The following ARB2A variants were observed in gnomAD, a reference collection of about 807,000 sequenced individuals.
ARB2A encodes ARB2 cotranscriptional regulator A.
the ARB2A span, among the ~76,000 whole-genome samples, chr5:93,718,002 G>A: frequency 6.6e-6 from 1 of 151,532 alleles, no homozygotes; most frequent in African/African-American, 2.4e-5. Flanking sequence ...GCCCGGCTAA[G>A]TTTTGTATTT....
At chr5:93,658,104 G>A in the ARB2A span, among the ~76,000 whole-genome samples, 1 of 152,024 alleles carries the variant, frequency 6.6e-6, no homozygotes, top group Admixed American at 6.6e-5. Context: ...AATGTTTCTA[G>A]CAGAATAATA....
the ARB2A span, among the ~76,000 whole-genome samples, chr5:94,059,813 A>G: frequency 6.6e-6 from 1 of 152,016 alleles, no homozygotes; most frequent in South Asian, 2.1e-4. Context: ...TAGAAGAAAT[A>G]AAGATTTTTT....
the ARB2A span, among the ~76,000 whole-genome samples, chr5:93,984,252 T>G: frequency 4.6e-5 from 7 of 152,250 alleles, no homozygotes; most frequent in South Asian, 1.4e-3. Context: ...ACCATATATA[T>G]AAGTGTGAAA....
chr5:93,722,270 T>A, the ARB2A span, among the ~76,000 whole-genome samples: 1 of 152,160 alleles, frequency 6.6e-6, no homozygotes, highest in Non-Finnish European at 1.5e-5. Context: ...GTGTGTTCAG[T>A]GACCTAGATA....
the ARB2A span, among the ~76,000 whole-genome samples, chr5:93,711,209 T>G: frequency 3.3e-5 from 5 of 151,390 alleles, no homozygotes; most frequent in Non-Finnish European, 7.4e-5. Context: ...TTTTTTGTTT[T>G]TTTTTTTTTG....
At chr5:94,074,764 G>C in the ARB2A span, 1 of 1,594,074 alleles carries the variant, frequency 6.3e-7, no homozygotes, top group African/African-American at 1.3e-5. Context: ...ATCTTCAGAA[G>C]ACAGTCTAGA....
the ARB2A span, among the ~76,000 whole-genome samples, chr5:93,675,411 T>A: frequency 9.2e-5 from 14 of 152,204 alleles, no homozygotes; most frequent in Admixed American, 5.2e-4. Flanking sequence ...ATGTATCTAC[T>A]AAGCTCACAG....
At chr5:93,932,630 C>T in the ARB2A span, among the ~76,000 whole-genome samples, 2 of 152,092 alleles carry the variant, frequency 1.3e-5, no homozygotes, top group Non-Finnish European at 1.5e-5. Context: ...ACAAGCAAAT[C>T]GTGTTTTCCA....
chr5:93,777,584 A>AT, the ARB2A span, among the ~76,000 whole-genome samples: 35 of 148,314 alleles, frequency 2.4e-4, no homozygotes, highest in South Asian at 4.3e-4. Flanking sequence ...TTCCAGACAG[A>AT]TTTTTTTTTT....
At chr5:93,883,708 C>T in the ARB2A span, among the ~76,000 whole-genome samples, 1 of 151,490 alleles carries the variant, frequency 6.6e-6, no homozygotes, top group Admixed American at 6.6e-5. Context: ...AGTTAAAGAA[C>T]ACTGTTGCAC....
chr5:93,748,394 A>G, the ARB2A span, among the ~76,000 whole-genome samples: 1 of 152,162 alleles, frequency 6.6e-6, no homozygotes, highest in African/African-American at 2.4e-5. Flanking sequence ...GTACTGCTGT[A>G]TAATATCTCA....
At chr5:93,811,016 C>T in the ARB2A span, among the ~76,000 whole-genome samples, 5 of 152,058 alleles carry the variant, frequency 3.3e-5, no homozygotes, top group African/African-American at 7.2e-5. Flanking sequence ...CTTAAAACAA[C>T]GCCTGGTACT....
At chr5:93,718,387 C>T in the ARB2A span, among the ~76,000 whole-genome samples, 2 of 151,780 alleles carry the variant, frequency 1.3e-5, no homozygotes, top group Admixed American at 6.6e-5. Flanking sequence ...TGCAGTGAGC[C>T]GAGATTGTGC....
the ARB2A span, among the ~76,000 whole-genome samples, chr5:94,090,837 T>G: frequency 6.6e-6 from 1 of 152,184 alleles, no homozygotes; most frequent in Non-Finnish European, 1.5e-5. Context: ...TATTGATTTG[T>G]GTATGTTGAA....
chr5:93,942,382 T>C, the ARB2A span, among the ~76,000 whole-genome samples: 5 of 152,262 alleles, frequency 3.3e-5, no homozygotes, highest in South Asian at 1.0e-3. Context: ...TCTCTCAAAG[T>C]TTACTTTTAA....
the ARB2A span, among the ~76,000 whole-genome samples, chr5:93,723,239 A>G: frequency 6.6e-6 from 1 of 152,166 alleles, no homozygotes; most frequent in Non-Finnish European, 1.5e-5. Flanking sequence ...GCTGGGGGAT[A>G]GGATGCCCTA....
chr5:93,968,661 T>C, the ARB2A span, among the ~76,000 whole-genome samples: 1 of 152,020 alleles, frequency 6.6e-6, no homozygotes, highest in Non-Finnish European at 1.5e-5. Flanking sequence ...GCAATGATGG[T>C]TGAGAATATT....
the ARB2A span, chr5:93,618,072 T>C: frequency 6.6e-6 from 1 of 152,150 alleles, no homozygotes; most frequent in South Asian, 2.1e-4. Flanking sequence ...ACCGCTGTTG[T>C]TGGGAAAATT....
At chr5:93,937,162 C>A in the ARB2A span, among the ~76,000 whole-genome samples, 2 of 151,322 alleles carry the variant, frequency 1.3e-5, no homozygotes, top group Admixed American at 1.3e-4. Context: ...CGTGAGCCAC[C>A]GCGCCCGGCC....
Sources: allele counts gnomAD v4.1 joint callset (sites outside exome capture counted in the v4.1 genomes callset), GRCh38; gene constraint gnomAD v4.1.1; transcripts MANE v1.5; gene names NCBI Gene and HGNC (gene_info 2026-07-23, HGNC 2026-07-21).